Variants in SIL1 observed in about 807,000 individuals in gnomAD.
SIL1 encodes the protein nucleotide exchange factor SIL1.
SIL1 carries 40 observed loss-of-function variants against 49.1 expected under a neutral mutation model. That is an observed-to-expected ratio of 0.81 (90% CI 0.63 to 1.06). The LOEUF is 1.06. Among genes scored for constraint, SIL1 ranks in the 50% least tolerant of loss-of-function variants. SIL1 has a pLI of 0.00. For missense variants in SIL1, 500 were observed against 572.6 expected, an observed-to-expected ratio of 0.87 and a Z score of 1.29; for synonymous variants, 253 against 250.8, an observed-to-expected ratio of 1.01 and a Z score of -0.08.
At chr5:139,165,258 C>T (rs921539907) in intron 1 of SIL1, among the ~76,000 whole-genome samples, 1 of 152,224 alleles carries the variant, frequency 6.6e-6, no homozygotes, top group African/African-American at 2.4e-5. Context: ...ATAAACTCAA[C>T]CGTCAGCCAG....
chr5:138,983,408 T>A (rs1767576224), intron 7 of SIL1, among the ~76,000 whole-genome samples: 1 of 150,208 alleles, frequency 6.7e-6, no homozygotes, highest in Non-Finnish European at 1.5e-5. Context: ...CTCGGGAGGC[T>A]GAGGCAGGAG....
At chr5:139,124,640 C>A (rs756488072) in intron 2 of SIL1, among the ~76,000 whole-genome samples, 1 of 152,142 alleles carries the variant, frequency 6.6e-6, no homozygotes, top group African/African-American at 2.4e-5. Context: ...TATGAACAAA[C>A]CACAGGCTGG....
intron 4 of SIL1, among the ~76,000 whole-genome samples, chr5:139,043,910 C>T (rs1258610338): frequency 6.6e-6 from 1 of 152,192 alleles, no homozygotes; most frequent in Non-Finnish European, 1.5e-5. Flanking sequence ...GGAATGCCCA[C>T]AAGATTTCAG....
At position 139,026,914 on chromosome 5, in the gene SIL1, T is replaced by C; in HGVS notation, c.532A>G (p.Ile178Val). The part of the protein sequence containing the change: ...KKDFDELNVV[I>V]ETDMQIMVRL... ...ACCATGATCTGCATGTCAGTCTCAA[T>C]GACAACATTCAGCTCATCAAAGTCT... The change falls in exon 6 of 10, where the codon ATT (isoleucine) becomes GTT (valine). Residue 178 changes from isoleucine to valine, a missense_variant. Coordinates refer to ENST00000394817, the MANE Select transcript of SIL1 (RefSeq NM_022464.5). The C allele has an allele frequency of 3.7e-6, 6 of 1,614,248 alleles. No homozygotes were observed. The highest frequency in any genetic ancestry group is 5.1e-6 in the Non-Finnish European group (6 of 1,180,036).
At chr5:139,053,577 C>G (rs1314107268) in intron 3 of SIL1, among the ~76,000 whole-genome samples, 1 of 152,224 alleles carries the variant, frequency 6.6e-6, no homozygotes, top group African/African-American at 2.4e-5. Flanking sequence ...GTCCATGAGG[C>G]CCTGCAGTAT....
intron 3 of SIL1, among the ~76,000 whole-genome samples, chr5:139,099,057 T>A (rs1403033132): frequency 6.6e-6 from 1 of 152,004 alleles, no homozygotes; most frequent in Non-Finnish European, 1.5e-5. Flanking sequence ...CCTCAAGTGA[T>A]CTCCCCCTCT....
chr5:138,970,462 CA>C (rs1040002571), intron 7 of SIL1, among the ~76,000 whole-genome samples: 9 of 152,162 alleles, frequency 5.9e-5, no homozygotes, highest in Non-Finnish European at 1.2e-4. Flanking sequence ...AAATGAAATT[CA>C]GAGGAATTTG....
At chr5:139,111,592 T>C (rs903288103) in intron 3 of SIL1, among the ~76,000 whole-genome samples, 1 of 152,196 alleles carries the variant, frequency 6.6e-6, no homozygotes, top group African/African-American at 2.4e-5. Context: ...ATGCCCACCA[T>C]GGTATCCCTG....
At chr5:139,095,189 A>G (rs1770427906) in intron 3 of SIL1, among the ~76,000 whole-genome samples, 1 of 152,068 alleles carries the variant, frequency 6.6e-6, no homozygotes, top group African/African-American at 2.4e-5. Context: ...TGAGTCAGTA[A>G]GTCTAGCCCA....
chr5:139,152,913 G>C (rs1489836503), intron 1 of SIL1, among the ~76,000 whole-genome samples: 2 of 152,134 alleles, frequency 1.3e-5, no homozygotes, highest in Non-Finnish European at 2.9e-5. Context: ...CTGCATCCCA[G>C]GTTCAAGGGA....
At chr5:139,082,113 G>C (rs1368039510) in intron 3 of SIL1, among the ~76,000 whole-genome samples, 2 of 152,110 alleles carry the variant, frequency 1.3e-5, no homozygotes, top group Admixed American at 6.5e-5. Flanking sequence ...CAATCATATG[G>C]GGCAGGTATT....
intron 9 of SIL1, among the ~76,000 whole-genome samples, chr5:138,949,459 A>G (rs1240980428): frequency 6.6e-6 from 1 of 152,198 alleles, no homozygotes; most frequent in Non-Finnish European, 1.5e-5. Context: ...TGGACAGCTC[A>G]TGTCCCTCCA....
At position 139,118,656 on chromosome 5, in the gene SIL1, T is replaced by C. The variant is rs942369707; in HGVS notation, c.244+2379A>G. On this transcript the variant is annotated intron_variant, in intron 3 of 9. Coordinates refer to ENST00000394817, the MANE Select transcript of SIL1 (RefSeq NM_022464.5). ...CATCCAGTTCCCAGGACTGGCTACA[T>C]TCCTTTTAATCTTTAGGTAGATGTG... 7.9e-5 allele frequency among the ~76,000 whole-genome samples: 12 copies of C among 152,300 alleles called. No homozygotes were observed. In the East Asian group the frequency reaches 1.4e-3, roughly 17 times the overall value.
At chr5:138,973,865 A>G (rs1337794333) in intron 7 of SIL1, among the ~76,000 whole-genome samples, 1 of 152,180 alleles carries the variant, frequency 6.6e-6, no homozygotes, top group Non-Finnish European at 1.5e-5. Flanking sequence ...GACTACAGGC[A>G]TGAGCCATCA....
At chr5:139,144,864 C>G (rs1474327780) in intron 1 of SIL1, among the ~76,000 whole-genome samples, 1 of 151,788 alleles carries the variant, frequency 6.6e-6, no homozygotes, top group Non-Finnish European at 1.5e-5. Context: ...AAGCAAGCCT[C>G]CCATCTAAAA....
At chr5:139,114,331 C>T (rs1311469031) in intron 3 of SIL1, among the ~76,000 whole-genome samples, 1 of 152,204 alleles carries the variant, frequency 6.6e-6, no homozygotes, top group East Asian at 1.9e-4. Flanking sequence ...AGAGACCTCC[C>T]TACATGAGAA....
chr5:138,996,340 T>C (rs1300933517), intron 7 of SIL1, among the ~76,000 whole-genome samples: 2 of 152,160 alleles, frequency 1.3e-5, no homozygotes, highest in East Asian at 3.8e-4. Context: ...TTGAAAAATG[T>C]CTGTTCAGAT....
rs1216736674 is a variant in SIL1, at chr5:139,037,233, A to AT, written c.453+5386dup. Reference sequence around the variant, plus strand: ...ATCATTGTTCCCCTATAGTTGTGTTATTTTTTCTAGTTGCTTTGAAGATTT... The same window carrying AT: ...ATCATTGTTCCCCTATAGTTGTGTTATTTTTTTCTAGTTGCTTTGAAGATTT... On this transcript the variant is annotated intron_variant, in intron 5 of 9. Coordinates refer to ENST00000394817, the MANE Select transcript of SIL1 (RefSeq NM_022464.5). Among the ~76,000 whole-genome samples the AT allele has an allele frequency of 1.2e-3, 177 of 151,746 alleles. 1 individual carries two copies. Among genetic ancestry groups the AT allele is most frequent in the Non-Finnish European group, 4.0e-4 (27 of 67,858 alleles).
At chr5:139,042,555 C>T in intron 5 of SIL1, 65 bp downstream of exon 5, 2 of 1,334,396 alleles carry the variant, frequency 1.5e-6, no homozygotes, top group Non-Finnish European at 2.2e-6. Context: ...AAAATGATTC[C>T]ATTCTCTGCA....
Sources: gnomAD v4.1 joint callset for allele counts (sites outside exome capture counted in the v4.1 genomes callset) on GRCh38, gnomAD v4.1.1 for gene constraint, MANE v1.5 for transcripts, NCBI Gene and HGNC (gene_info 2026-07-23, HGNC 2026-07-21) for gene names.